EPB41L5: variants seen among roughly 807,000 people sequenced by gnomAD.
The protein encoded by EPB41L5 is erythrocyte membrane protein band 4.1 like 5.
In EPB41L5, 55 loss-of-function variants were observed where a neutral mutation model predicts 106.6. That is an observed-to-expected ratio of 0.52 (90% CI 0.42 to 0.65). The LOEUF is 0.65. Ranked by LOEUF, EPB41L5 falls within the 30% of genes least tolerant of loss-of-function variation. The probability of loss-of-function intolerance (pLI) is 0.00; values close to 1 mark genes in which losing one functional copy is unlikely to be tolerated. For synonymous variants in EPB41L5, 297 were observed against 306.7 expected (o/e 0.97, Z 0.33); for missense variants, 871 against 882.1 (o/e 0.99, Z 0.16).
chr2:120,021,392 C>T (rs556823739), intron 2 of EPB41L5, among the ~76,000 whole-genome samples: 1 of 151,946 alleles, frequency 6.6e-6, no homozygotes, highest in East Asian at 1.9e-4. Flanking sequence ...CGCCGGTAAT[C>T]GCAGCACTTT....
At chr2:120,056,648 A>T (rs1405090895) in intron 3 of EPB41L5, among the ~76,000 whole-genome samples, 3 of 145,376 alleles carry the variant, frequency 2.1e-5, no homozygotes, top group Non-Finnish European at 3.0e-5. Flanking sequence ...TTCATAAAGG[A>T]TATTAGTCTG....
chr2:120,142,600 A>G (rs1251818596), intron 18 of EPB41L5, among the ~76,000 whole-genome samples: 2 of 152,174 alleles, frequency 1.3e-5, no homozygotes, highest in Non-Finnish European at 2.9e-5. Context: ...ATATTAGTAA[A>G]TAGTAAAGGA....
chr2:120,073,241 T>C (rs776056854), intron 4 of EPB41L5, 21 bp downstream of exon 4: 1 of 1,568,776 alleles, frequency 6.4e-7, no homozygotes. Context: ...ACAAAATTAT[T>C]TGTGGGGGGG....
chr2:120,143,144 TGATA>T lies in EPB41L5; in HGVS notation c.1728+19_1728+22del, dbSNP rs1282640512. On this transcript the variant is annotated intron_variant, in intron 19 of 24. Transcript: ENST00000263713. ...AGCAGTGCATAAGGTAAGCTGCCTT[TGATA>T]GATAGCCCTGGTGAAGTGAAATGAG... 12 of 1,565,818 alleles carry T rather than the reference TGATA, an allele frequency of 7.7e-6. No homozygotes were observed. The highest frequency in any genetic ancestry group is 1.0e-5 in the Non-Finnish European group (12 of 1,161,082).
intron 14 of EPB41L5, among the ~76,000 whole-genome samples, chr2:120,094,430 T>C (rs540819669): frequency 6.6e-6 from 1 of 151,856 alleles, no homozygotes; most frequent in Admixed American, 6.6e-5. Context: ...TCCATAGTAA[T>C]ATCTCCTCCT....
In EPB41L5 at chr2:120,167,904, G is replaced by T; in HGVS notation, c.2032G>T (p.Ala678Ser). The T allele has an allele frequency of 6.2e-7, 1 of 1,614,116 alleles. No individual in the cohort carries two copies. The highest frequency in any genetic ancestry group is 8.5e-7 in the Non-Finnish European group (1 of 1,180,000). Residue 678 changes from alanine (A) to serine (S), a missense_variant, in exon 24 of 25, where the codon GCG becomes TCG. Coordinates refer to ENST00000263713, the MANE Select transcript of EPB41L5 (RefSeq NM_020909.4). ...PQSGAMSNGL[A>S]GCEMLLTGKE... ...GAGTGGTGCCATGTCTAATGGACTT[G>T]CGGGATGTGAAATGCTTTTGACAGG...
rs1275305573 is a variant in EPB41L5, at chr2:120,018,256, C to T, written c.-8-821C>T. ...TGCTAGAATTACAGCCGTGAGCCAC[C>T]GCGCCCGGCCACTTCTCAGAATTTT... is the stretch of plus-strand genomic sequence containing the variant. On this transcript the variant is annotated intron_variant, in intron 1 of 24. Transcript: ENST00000263713. Among the ~76,000 whole-genome samples the T allele has an allele frequency of 3.9e-5, 6 of 151,998 alleles. No individual in the cohort carries two copies. In the South Asian group the frequency reaches 1.0e-3, roughly 26 times the overall value.
intron 16 of EPB41L5, among the ~76,000 whole-genome samples, chr2:120,125,366 C>T (rs1574717462): frequency 6.6e-6 from 1 of 152,208 alleles, no homozygotes; most frequent in South Asian, 2.1e-4. Context: ...TAAAGTTGGC[C>T]CCAGGCAACT....
intron 3 of EPB41L5, among the ~76,000 whole-genome samples, chr2:120,049,268 A>C (rs1369996140): frequency 2.0e-5 from 3 of 152,298 alleles, no homozygotes; most frequent in African/African-American, 7.2e-5. Context: ...GGGGTGTTAA[A>C]GTCTCCCATT....
At chr2:120,078,035 A>G (rs1402754014) in intron 9 of EPB41L5, among the ~76,000 whole-genome samples, 1 of 152,150 alleles carries the variant, frequency 6.6e-6, no homozygotes, top group Non-Finnish European at 1.5e-5. Flanking sequence ...ATTCACTATC[A>G]TGAGAACAGC....
intron 16 of EPB41L5, chr2:120,108,302 T>A (rs931336921): frequency 1.3e-5 from 2 of 152,152 alleles, no homozygotes; most frequent in Non-Finnish European, 2.9e-5. Context: ...TCCTTAATGG[T>A]GTAATAATGT....
chr2:120,061,617 G>A (rs1226682334), intron 3 of EPB41L5, among the ~76,000 whole-genome samples: 2 of 152,102 alleles, frequency 1.3e-5, no homozygotes, highest in African/African-American at 4.8e-5. Context: ...CTCCCAAAGT[G>A]TTGGGATGAC....
chr2:120,113,858 TAATAA>T (rs1434150134), intron 16 of EPB41L5, among the ~76,000 whole-genome samples: 1 of 152,244 alleles, frequency 6.6e-6, no homozygotes, highest in Non-Finnish European at 1.5e-5. Context: ...TTTAATGGCT[TAATAA>T]TATTCCCTTG....
At chr2:120,063,939 T>A (rs1681265744) in intron 3 of EPB41L5, among the ~76,000 whole-genome samples, 1 of 150,232 alleles carries the variant, frequency 6.7e-6, no homozygotes, top group African/African-American at 2.5e-5. Context: ...TGAAACTCCA[T>A]CTCAAAAAAA....
chr2:120,048,172 A>G (rs1489608238), intron 3 of EPB41L5, among the ~76,000 whole-genome samples: 1 of 152,220 alleles, frequency 6.6e-6, no homozygotes, highest in Non-Finnish European at 1.5e-5. Flanking sequence ...TGCTGGCCTC[A>G]TAACATGAGT....
intron 1 of EPB41L5, among the ~76,000 whole-genome samples, chr2:120,015,157 A>T (rs1677428951): frequency 1.3e-5 from 2 of 151,364 alleles, no homozygotes; most frequent in Non-Finnish European, 3.0e-5. Flanking sequence ...CCCCGCCTCT[A>T]CTAAAAAAAA....
chr2:120,119,572 T>C (rs1276766664), intron 16 of EPB41L5, among the ~76,000 whole-genome samples: 1 of 152,202 alleles, frequency 6.6e-6, no homozygotes, highest in African/African-American at 2.4e-5. Context: ...TTTCTGCCTA[T>C]AGCTAGGCAG....
chr2:120,074,716 A>G (rs1386392049), intron 5 of EPB41L5, among the ~76,000 whole-genome samples: 1 of 152,116 alleles, frequency 6.6e-6, no homozygotes, highest in African/African-American at 2.4e-5. Context: ...CTCCATATAC[A>G]CATACTATTT....
At chr2:120,140,200 G>A (rs1444917917) in intron 18 of EPB41L5, among the ~76,000 whole-genome samples, 2 of 151,920 alleles carry the variant, frequency 1.3e-5, no homozygotes, top group Non-Finnish European at 2.9e-5. Flanking sequence ...GGCTACAAAA[G>A]TATAGTTAGA....
Sources: allele counts gnomAD v4.1 joint callset (sites outside exome capture counted in the v4.1 genomes callset), GRCh38; gene constraint gnomAD v4.1.1; transcripts MANE v1.5; gene names NCBI Gene and HGNC (gene_info 2026-07-23, HGNC 2026-07-21).